Variants in ZFPM1 observed in about 807,000 individuals in gnomAD.
ZFPM1 encodes the protein zinc finger protein ZFPM1.
Under a neutral mutation model 46.3 loss-of-function variants are expected in ZFPM1, and 28 were observed. That is an observed-to-expected ratio of 0.60 (90% CI 0.45 to 0.83). The LOEUF (loss-of-function observed/expected upper bound fraction) is 0.83. Ranked by LOEUF, ZFPM1 falls within the 40% of genes least tolerant of loss-of-function variation. The pLI, the probability that ZFPM1 is intolerant of heterozygous loss-of-function variation, is 0.00. For missense variants in ZFPM1, 1,878 were observed against 1,432.4 expected (o/e 1.31, Z -5.02); for synonymous variants, 957 against 675.9 (o/e 1.42, Z -6.45).
chr16:88,473,939 T>C (rs942217389), intron 1 of ZFPM1, among the ~76,000 whole-genome samples: 2 of 152,086 alleles, frequency 1.3e-5, no homozygotes, highest in African/African-American at 4.8e-5. Context: ...TAATCGGTTC[T>C]CCGGAGTGAA....
At position 88,455,029 on chromosome 16, in the gene ZFPM1, A is replaced by G. The variant is rs767583273; in HGVS notation, c.40+1351A>G. Among the ~76,000 whole-genome samples, 4 of 152,188 alleles carry G rather than the reference A, an allele frequency of 2.6e-5. No individual in the cohort carries two copies. The East Asian group carries it at 7.7e-4, about 29-fold the overall frequency. On this transcript the variant is annotated intron_variant, in intron 1 of 9. Transcript: ENST00000319555. ...ACCTGTTTTCCGAAAGTCGCCTTCTATCGTGTCAACTCAAGTATTAAAAGC... is the reference window on the plus strand; with the variant it reads ...ACCTGTTTTCCGAAAGTCGCCTTCTGTCGTGTCAACTCAAGTATTAAAAGC...
intron 9 of ZFPM1, 97 bp from the exon 10 acceptor site, chr16:88,533,051 T>TGCCCCCCCCCCC: frequency 7.4e-7 from 1 of 1,351,634 alleles, no homozygotes; most frequent in Non-Finnish European, 1.0e-6. Context: ...TCTAAACCAC[T>TGCCCCCCCCCCC]CCCGCCCACC....
In ZFPM1 at chr16:88,532,107, C is replaced by T. The variant is rs548405633; in HGVS notation, c.818C>T (p.Pro273Leu). The T allele has an allele frequency of 1.4e-5, 22 of 1,612,372 alleles. No individual in the cohort carries two copies. The highest frequency in any genetic ancestry group is 1.8e-5 in the Non-Finnish European group (21 of 1,179,714). ...GCCAGCCGCCAGGGCACCGGCTCCC[C>T]GGCCGCAGCCGCCACAGACGAGAAG... ...YCASRQGTGS[P>L]AAAATDEKPK... The change falls in exon 7 of 10, where the codon CCG (proline) becomes CTG (leucine). Residue 273 changes from proline to leucine, a missense_variant. By Grantham distance (98) the Pro-to-Leu change is moderately conservative (BLOSUM62 -3). Transcript: ENST00000319555.
chr16:88,533,783 G>C lies in ZFPM1; in HGVS notation c.1825G>C (p.Ala609Pro). ...TTCAGGCCGCCGTGCGCCCGAGGAC[G>C]CGCCTGCCGCGCGCAGGCCCAAGGC... ...YCSGRRAPED[A>P]PAARRPKAPP... The change falls in exon 10 of 10, where the codon GCG (alanine) becomes CCG (proline). Residue 609 changes from alanine (A) to proline (P), a missense_variant. By Grantham distance (27) the Ala-to-Pro change is conservative (BLOSUM62 -1). Coordinates refer to ENST00000319555, the MANE Select transcript of ZFPM1 (RefSeq NM_153813.3). The C allele has an allele frequency of 7.6e-7, 1 of 1,321,836 alleles. No homozygotes were observed. Among genetic ancestry groups the C allele is most frequent in the Non-Finnish European group, 9.8e-7 (1 of 1,020,618 alleles). 81.9% of individuals were successfully genotyped at this position (1,321,836 alleles called of 1,614,324 possible).
chr16:88,470,116 G>A (rs1908346523), intron 1 of ZFPM1, among the ~76,000 whole-genome samples: 1 of 152,174 alleles, frequency 6.6e-6, no homozygotes, highest in Non-Finnish European at 1.5e-5. Context: ...AAAAGCCAGG[G>A]CCTCCAGAGC....
intron 3 of ZFPM1, among the ~76,000 whole-genome samples, chr16:88,503,058 G>A (rs1910459205): frequency 6.6e-6 from 1 of 152,270 alleles, no homozygotes; most frequent in Non-Finnish European, 1.5e-5. Context: ...TGCTCCGCGG[G>A]GCAGGGTGGG....
chr16:88,492,980 C>A (rs562187789), intron 3 of ZFPM1, among the ~76,000 whole-genome samples: 1 of 149,324 alleles, frequency 6.7e-6, no homozygotes, highest in Non-Finnish European at 1.5e-5. Context: ...TCCCAGGGAG[C>A]AGAGAGCTGT....
At chr16:88,475,553 G>A (rs1908642248) in intron 1 of ZFPM1, among the ~76,000 whole-genome samples, 1 of 152,116 alleles carries the variant, frequency 6.6e-6, no homozygotes, top group South Asian at 2.1e-4. Flanking sequence ...AGGAGGAGGA[G>A]GGGAGAGCGA....
At chr16:88,465,740 C>A (rs75156893) in intron 1 of ZFPM1, among the ~76,000 whole-genome samples, 5 of 152,248 alleles carry the variant, frequency 3.3e-5, no homozygotes, top group African/African-American at 9.6e-5. Context: ...GCTGCTGCAC[C>A]TGACAGCTGC....
At chr16:88,455,921 G>A (rs1346738463) in intron 1 of ZFPM1, among the ~76,000 whole-genome samples, 2 of 152,184 alleles carry the variant, frequency 1.3e-5, no homozygotes, top group South Asian at 4.1e-4. Context: ...CCTCCCGCCC[G>A]AGTCGATGTG....
At chr16:88,499,862 G>A (rs1486855947) in intron 3 of ZFPM1, among the ~76,000 whole-genome samples, 1 of 152,202 alleles carries the variant, frequency 6.6e-6, no homozygotes, top group African/African-American at 2.4e-5. Context: ...CCCAAGTCCC[G>A]TGGGCTCCCC....
intron 7 of ZFPM1, 115 bp downstream of exon 7, chr16:88,532,350 C>T (rs1287750055): frequency 1.3e-5 from 15 of 1,122,970 alleles, no homozygotes; most frequent in Non-Finnish European, 1.6e-5. Context: ...CATTCACCTG[C>T]GCGGTCTCCG....
chr16:88,502,064 C>CCATT lies in ZFPM1; in HGVS notation c.269-12322_269-12319dup, dbSNP rs1555525781. Among the ~76,000 whole-genome samples the CCATT allele has an allele frequency of 2.6e-4, 33 of 127,386 alleles. No homozygotes were observed. The South Asian group carries it at 3.2e-3, about 12-fold the overall frequency. 83.6% of individuals were successfully genotyped at this position (127,386 alleles called of 152,430 possible). On this transcript the variant is annotated intron_variant, in intron 3 of 9. Coordinates refer to ENST00000319555, the MANE Select transcript of ZFPM1 (RefSeq NM_153813.3). ...CCGACGCGGCTCCACCCGCCCCCCC[C>CCATT]CATTTATTTATTTATTTATTTATTT...
At position 88,484,449 on chromosome 16, in the gene ZFPM1, C is replaced by T. The variant is rs549274834; in HGVS notation, c.41-1490C>T. On this transcript the variant is annotated intron_variant, in intron 1 of 9. Coordinates refer to ENST00000319555, the MANE Select transcript of ZFPM1 (RefSeq NM_153813.3). Reference sequence around the variant, plus strand: ...CTCTGCCCCATCAGCTCCCCTGACACGTGAACTCAGACACGCGGTTTCCAG... The same window carrying T: ...CTCTGCCCCATCAGCTCCCCTGACATGTGAACTCAGACACGCGGTTTCCAG... Among the ~76,000 whole-genome samples, 10 of 152,332 alleles carry T rather than the reference C, an allele frequency of 6.6e-5. No individual in the cohort carries two copies. In the South Asian group the frequency reaches 1.4e-3, roughly 22 times the overall value.
chr16:88,491,055 G>GGTCAGGCGCTGGTGCCTTCGGGGGTCCCA (rs1567536466), intron 3 of ZFPM1, among the ~76,000 whole-genome samples: 1 of 146,630 alleles, frequency 6.8e-6, no homozygotes, highest in African/African-American at 2.6e-5. Context: ...CGGGGGTCTC[G>GGTCAGGCGCTGGTGCCTTCGGGGGTCCCA]GTCAGGCGCT....
At chr16:88,505,846 C>A (rs1008192668) in intron 3 of ZFPM1, among the ~76,000 whole-genome samples, 4 of 152,108 alleles carry the variant, frequency 2.6e-5, no homozygotes, top group East Asian at 3.9e-4. Flanking sequence ...AGAGAGAGAG[C>A]CTCGGCAGGT....
chr16:88,489,720 G>C (rs1909451087), intron 3 of ZFPM1, among the ~76,000 whole-genome samples: 1 of 152,232 alleles, frequency 6.6e-6, no homozygotes. Context: ...GTGATTTGCA[G>C]CTGGAGTTCT....
intron 3 of ZFPM1, among the ~76,000 whole-genome samples, chr16:88,511,089 A>G (rs901323100): frequency 5.9e-5 from 9 of 152,046 alleles, no homozygotes; most frequent in African/African-American, 2.2e-4. Context: ...GGGGAAGAGG[A>G]GGCAGAAAGA....
At chr16:88,518,204 C>CAA (rs112046588) in intron 4 of ZFPM1, among the ~76,000 whole-genome samples, 2 of 116,418 alleles carry the variant, frequency 1.7e-5, no homozygotes, top group Non-Finnish European at 3.6e-5. Flanking sequence ...GACTCCGTCT[C>CAA]AAAAAAAAAA....
Sources: allele counts gnomAD v4.1 joint callset (sites outside exome capture counted in the v4.1 genomes callset), GRCh38; gene constraint gnomAD v4.1.1; transcripts MANE v1.5; gene names NCBI Gene and HGNC (gene_info 2026-07-23, HGNC 2026-07-21).